CDH2: variants seen among roughly 807,000 people sequenced by gnomAD.
CDH2 encodes the protein cadherin 2.
CDH2 carries 17 observed loss-of-function variants against 92.0 expected under a neutral mutation model. The ratio of observed to expected loss-of-function variants is 0.18; its 90% CI spans 0.13 to 0.28. The LOEUF (loss-of-function observed/expected upper bound fraction) is 0.28, where lower values mean the gene tolerates loss of function less well. Ranked by LOEUF, CDH2 falls within the 10% of genes least tolerant of loss-of-function variation. CDH2 has a pLI of 1.00. For missense variants in CDH2, 862 were observed against 1,133.1 expected (o/e 0.76, Z 3.44); for synonymous variants, 419 against 415.9 (o/e 1.01, Z -0.09).
intron 1 of CDH2, among the ~76,000 whole-genome samples, chr18:28,173,829 C>A (rs2016498415): frequency 6.6e-6 from 1 of 151,932 alleles, no homozygotes. Flanking sequence ...TTTTTCTTAA[C>A]AATAAACCTA....
chr18:27,991,159 A>G (rs908788673), intron 9 of CDH2, among the ~76,000 whole-genome samples: 1 of 152,210 alleles, frequency 6.6e-6, no homozygotes, highest in Non-Finnish European at 1.5e-5. Context: ...TAGACTGGAC[A>G]TTCACTCTTA....
At chr18:28,043,466 A>C (rs1396971334) in intron 2 of CDH2, among the ~76,000 whole-genome samples, 1 of 83,024 alleles carries the variant, frequency 1.2e-5, no homozygotes, top group Non-Finnish European at 2.3e-5. Flanking sequence ...AAATAAATAT[A>C]TATATATATA....
At chr18:28,051,405 T>C (rs1236270641) in intron 2 of CDH2, among the ~76,000 whole-genome samples, 3 of 152,162 alleles carry the variant, frequency 2.0e-5, no homozygotes, top group Non-Finnish European at 4.4e-5. Flanking sequence ...ATTAATAGGA[T>C]GGTGTTATCT....
chr18:28,014,960 AT>A (rs10711803), intron 2 of CDH2, among the ~76,000 whole-genome samples: 5,410 of 152,206 alleles, frequency 0.036, 142 homozygotes, highest in African/African-American at 0.075. Context: ...ATAAAAAATG[AT>A]TTTTTTATTT....
chr18:28,046,311 A>G (rs1335908856), intron 2 of CDH2, among the ~76,000 whole-genome samples: 1 of 152,212 alleles, frequency 6.6e-6, no homozygotes, highest in African/African-American at 2.4e-5. Context: ...GTAGGTAACT[A>G]AACTTTTAGA....
chr18:28,031,318 T>C (rs2013689662), intron 2 of CDH2, among the ~76,000 whole-genome samples: 1 of 151,934 alleles, frequency 6.6e-6, no homozygotes, highest in Admixed American at 6.6e-5. Flanking sequence ...ACTTCCAAAA[T>C]ATATCATCAA....
At chr18:28,167,699 C>T (rs1315698710) in intron 1 of CDH2, among the ~76,000 whole-genome samples, 1 of 152,084 alleles carries the variant, frequency 6.6e-6, no homozygotes, top group Non-Finnish European at 1.5e-5. Flanking sequence ...GAACATTTAG[C>T]AGGCTGTCCA....
chr18:27,942,701 A>G (rs1278289934), intron 6 of CDH2, among the ~76,000 whole-genome samples: 2 of 152,224 alleles, frequency 1.3e-5, no homozygotes, highest in African/African-American at 4.8e-5. Flanking sequence ...CTAGCAGACT[A>G]CATGTTCCCC....
At chr18:27,989,729 T>A (rs1352252902) in intron 10 of CDH2, among the ~76,000 whole-genome samples, 1 of 152,198 alleles carries the variant, frequency 6.6e-6, no homozygotes, top group Non-Finnish European at 1.5e-5. Context: ...TCCTTCATGA[T>A]GCATGGAGGA....
chr18:28,025,538 A>ATAC (rs1355533253), intron 2 of CDH2, among the ~76,000 whole-genome samples: 1 of 149,716 alleles, frequency 6.7e-6, no homozygotes, highest in Non-Finnish European at 1.5e-5. Context: ...AATAATAATA[A>ATAC]TAAAAATAAT....
chr18:28,036,496 T>C (rs1453872861), intron 2 of CDH2: 1 of 1,597,962 alleles, frequency 6.3e-7, no homozygotes, highest in South Asian at 1.1e-5. Flanking sequence ...CAATTCTGCT[T>C]GGTTCTTTAA....
intron 2 of CDH2, among the ~76,000 whole-genome samples, chr18:28,055,875 T>C (rs1261811587): frequency 2.6e-5 from 4 of 152,180 alleles, no homozygotes; most frequent in African/African-American, 9.6e-5. Flanking sequence ...GAAATGTGTA[T>C]ACAGAAAGTG....
intron 6 of CDH2, among the ~76,000 whole-genome samples, chr18:27,941,450 C>T (rs11564289): frequency 0.091 from 13,807 of 152,140 alleles, 1,009 homozygotes; most frequent in East Asian, 0.37. Flanking sequence ...CATCAATGGT[C>T]TCATTTCACA....
chr18:28,114,690 G>C (rs1568003903), intron 2 of CDH2, among the ~76,000 whole-genome samples: 1 of 151,914 alleles, frequency 6.6e-6, no homozygotes, highest in Non-Finnish European at 1.5e-5. Flanking sequence ...ACGTTGTCTG[G>C]ACCCGGTGTC....
chr18:28,169,638 G>C (rs1434465419), intron 1 of CDH2, among the ~76,000 whole-genome samples: 1 of 152,018 alleles, frequency 6.6e-6, no homozygotes, highest in African/African-American at 2.4e-5. Context: ...ACAATATATG[G>C]GAGTAGGTAA....
At chr18:28,097,411 A>T (rs1285836433) in intron 2 of CDH2, among the ~76,000 whole-genome samples, 1 of 151,298 alleles carries the variant, frequency 6.6e-6, no homozygotes, top group Non-Finnish European at 1.5e-5. Context: ...AGCCGGGTGC[A>T]GTGGCTAATG....
intron 14 of CDH2, among the ~76,000 whole-genome samples, chr18:27,981,222 C>T (rs1302232119): frequency 6.6e-6 from 1 of 151,760 alleles, no homozygotes; most frequent in Admixed American, 6.6e-5. Flanking sequence ...GTAAAGTATG[C>T]AAAATTACAC....
chr18:28,007,550 C>A (rs956285122), intron 5 of CDH2, among the ~76,000 whole-genome samples: 1 of 151,988 alleles, frequency 6.6e-6, no homozygotes, highest in Admixed American at 6.6e-5. Context: ...TTTAATACTG[C>A]CATTCAATAC....
chr18:28,155,131 G>A lies in CDH2; in HGVS notation c.61-7347C>T, dbSNP rs959269357. Among the ~76,000 whole-genome samples, 60 of 152,126 alleles carry A rather than the reference G, an allele frequency of 3.9e-4. 2 individuals are homozygous for A. ...CTCCCCTGATTCCTTGTGGAAATAA[G>A]GGCAATAATGGGTAGGACTGGGTTA... On this transcript the variant is annotated intron_variant, in intron 1 of 15. Transcript: ENST00000269141.
Sources: gnomAD v4.1 joint callset for allele counts (sites outside exome capture counted in the v4.1 genomes callset) on GRCh38, gnomAD v4.1.1 for gene constraint, MANE v1.5 for transcripts, NCBI Gene and HGNC (gene_info 2026-07-23, HGNC 2026-07-21) for gene names.